RBFOX1: variants seen among roughly 807,000 people sequenced by gnomAD.
RBFOX1 encodes the protein RNA binding protein fox-1 homolog 1.
A neutral mutation model predicts 57.7 loss-of-function variants in RBFOX1; 8 were observed. That is an observed-to-expected ratio of 0.14 (90% confidence interval 0.08 to 0.25). RBFOX1 has a LOEUF of 0.25. Among genes scored for constraint, RBFOX1 ranks in the 10% least tolerant of loss-of-function variants. The probability of loss-of-function intolerance (pLI) is 1.00; values close to 1 mark genes in which losing one functional copy is unlikely to be tolerated. For missense variants in RBFOX1, 611 were observed against 548.5 expected (o/e 1.11, Z -1.14); for synonymous variants, 326 against 222.4 (o/e 1.47, Z -4.15).
intron 2 of RBFOX1, among the ~76,000 whole-genome samples, chr16:6,318,936 G>C (rs2081426723): frequency 6.6e-6 from 1 of 151,740 alleles, no homozygotes; most frequent in Non-Finnish European, 1.5e-5. Context: ...CAGCTTCTCT[G>C]ATACAGCAAA....
chr16:7,156,219 CAT>C lies in RBFOX1; in HGVS notation c.27+104133_27+104134del, dbSNP rs777701245. Among the ~76,000 whole-genome samples, 22 of 148,514 alleles carry C rather than the reference CAT, an allele frequency of 1.5e-4. No individual in the cohort carries two copies. In the South Asian group the frequency reaches 4.2e-3, roughly 29 times the overall value. On this transcript the variant is annotated intron_variant, in intron 4 of 15. Transcript: ENST00000550418. ...CTCAAGACTTGCTACTCTGGAAGTCCATATATATATATACACACACATATATA... is the reference window on the plus strand; with the variant it reads ...CTCAAGACTTGCTACTCTGGAAGTCCATATATATATACACACACATATATA...
At chr16:6,368,761 G>C (rs547018917) in intron 2 of RBFOX1, among the ~76,000 whole-genome samples, 7 of 152,276 alleles carry the variant, frequency 4.6e-5, no homozygotes, top group African/African-American at 1.7e-4. Flanking sequence ...ACATCAATAG[G>C]TAAGAGAGGA....
At chr16:6,926,999 G>T (rs1175436355) in intron 3 of RBFOX1, among the ~76,000 whole-genome samples, 1 of 152,086 alleles carries the variant, frequency 6.6e-6, no homozygotes, top group Non-Finnish European at 1.5e-5. Flanking sequence ...GCTTTGTCAA[G>T]CAATTGCTAC....
At chr16:7,581,956 A>G (rs942527009) in intron 6 of RBFOX1, among the ~76,000 whole-genome samples, 7 of 150,946 alleles carry the variant, frequency 4.6e-5, no homozygotes, top group Non-Finnish European at 8.8e-5. Flanking sequence ...GCCTCAAGCA[A>G]CCCTCCCGCC....
intron 1 of RBFOX1, among the ~76,000 whole-genome samples, chr16:6,051,751 A>G (rs1171288678): frequency 1.3e-5 from 2 of 152,162 alleles, no homozygotes; most frequent in Non-Finnish European, 2.9e-5. Flanking sequence ...TTTAGTAGAG[A>G]CAGGGTTTCA....
At chr16:7,477,872 A>G (rs1394922621) in intron 4 of RBFOX1, among the ~76,000 whole-genome samples, 4 of 152,202 alleles carry the variant, frequency 2.6e-5, no homozygotes, top group African/African-American at 7.2e-5. Flanking sequence ...GGGCTTTGCT[A>G]GGGCTGGCAG....
chr16:7,347,855 T>G (rs927588080), intron 4 of RBFOX1, among the ~76,000 whole-genome samples: 1 of 152,210 alleles, frequency 6.6e-6, no homozygotes, highest in Middle Eastern at 3.2e-3. Context: ...GGTTGTGAGC[T>G]GTTAGCCATT....
intron 3 of RBFOX1, among the ~76,000 whole-genome samples, chr16:6,948,972 G>C (rs545298678): frequency 9.1e-4 from 138 of 152,096 alleles, no homozygotes; most frequent in African/African-American, 3.1e-3. Context: ...TGTAGAATGG[G>C]ATAGTTTGAG....
intron 3 of RBFOX1, among the ~76,000 whole-genome samples, chr16:5,608,503 C>T (rs539493026): frequency 4.6e-5 from 7 of 152,328 alleles, no homozygotes; most frequent in African/African-American, 1.7e-4. Context: ...GGGCCAGTGG[C>T]TTGACTTCTC....
chr16:6,967,012 G>A (rs888432839), intron 3 of RBFOX1, among the ~76,000 whole-genome samples: 8 of 151,640 alleles, frequency 5.3e-5, no homozygotes, highest in East Asian at 1.9e-4. Context: ...TTTTATTTCT[G>A]TATGTACCTA....
At chr16:6,664,436 A>G (rs553542663) in intron 3 of RBFOX1, among the ~76,000 whole-genome samples, 2 of 152,286 alleles carry the variant, frequency 1.3e-5, no homozygotes, top group South Asian at 4.1e-4. Context: ...AGCGTCAGCA[A>G]ATCATCTTGT....
At chr16:7,707,455 C>G (rs991030573) in intron 14 of RBFOX1, among the ~76,000 whole-genome samples, 2 of 152,068 alleles carry the variant, frequency 1.3e-5, no homozygotes, top group South Asian at 2.1e-4. Context: ...GGATGAGAGA[C>G]GAGCTGAAGG....
At chr16:7,127,801 G>C (rs887495253) in intron 4 of RBFOX1, among the ~76,000 whole-genome samples, 2 of 152,164 alleles carry the variant, frequency 1.3e-5, no homozygotes, top group Non-Finnish European at 2.9e-5. Flanking sequence ...CATCTTGGTA[G>C]GATGACCTGA....
intron 1 of RBFOX1, among the ~76,000 whole-genome samples, chr16:6,029,553 C>T (rs2095256979): frequency 6.6e-6 from 1 of 150,776 alleles, no homozygotes; most frequent in African/African-American, 2.4e-5. Flanking sequence ...GCGGGTGGAT[C>T]ACGAGGTCAG....
chr16:5,344,159 T>A (rs2065091490), intron 1 of RBFOX1, among the ~76,000 whole-genome samples: 1 of 152,236 alleles, frequency 6.6e-6, no homozygotes, highest in Non-Finnish European at 1.5e-5. Context: ...CTTTGGTATT[T>A]CTGTGGAAGT....
At chr16:5,485,761 CA>C (rs1266588446) in intron 2 of RBFOX1, among the ~76,000 whole-genome samples, 1 of 152,186 alleles carries the variant, frequency 6.6e-6, no homozygotes, top group Non-Finnish European at 1.5e-5. Context: ...TCCAGAACTT[CA>C]AAAGTGCTTG....
chr16:5,265,899 G>T (rs1260777439), intron 1 of RBFOX1, among the ~76,000 whole-genome samples: 1 of 152,200 alleles, frequency 6.6e-6, no homozygotes, highest in East Asian at 1.9e-4. Context: ...ACCTGTGTGG[G>T]TGTGTACAAA....
At chr16:5,301,278 C>T (rs550093061) in intron 1 of RBFOX1, among the ~76,000 whole-genome samples, 47 of 152,236 alleles carry the variant, frequency 3.1e-4, no homozygotes, top group African/African-American at 1.0e-3. Context: ...CCACTGAGGC[C>T]CTCAGTCCAA....
chr16:7,629,076 C>A (rs2142519270), intron 10 of RBFOX1, among the ~76,000 whole-genome samples: 1 of 152,292 alleles, frequency 6.6e-6, no homozygotes, highest in Admixed American at 6.5e-5. Context: ...GTGGGGGTGG[C>A]TGTTCTCCAG....
Sources: gnomAD v4.1 joint callset for allele counts (sites outside exome capture counted in the v4.1 genomes callset) on GRCh38, gnomAD v4.1.1 for gene constraint, MANE v1.5 for transcripts, NCBI Gene and HGNC (gene_info 2026-07-23, HGNC 2026-07-21) for gene names.